Variants in CDH4 observed in about 807,000 individuals in gnomAD.
CDH4 encodes the protein cadherin 4.
CDH4 carries 33 observed loss-of-function variants against 86.0 expected under a neutral mutation model. The ratio of observed to expected loss-of-function variants is 0.38; its 90% CI spans 0.29 to 0.51. The LOEUF (loss-of-function observed/expected upper bound fraction) is 0.51. Among genes scored for constraint, CDH4 ranks in the 20% least tolerant of loss-of-function variants. The probability of loss-of-function intolerance (pLI) is 0.86; values close to 1 mark genes in which losing one functional copy is unlikely to be tolerated. For synonymous variants in CDH4, 555 were observed against 549.4 expected (o/e 1.01, Z -0.14); for missense variants, 1,114 against 1,307.4 (o/e 0.85, Z 2.28).
At position 61,516,709 on chromosome 20, in the gene CDH4, A is replaced by G. The variant is rs539646166; in HGVS notation, c.170-226854A>G. 3.9e-5 allele frequency among the ~76,000 whole-genome samples: 6 copies of G among 152,308 alleles called. No homozygotes were observed. In the East Asian group the frequency reaches 5.8e-4, roughly 15 times the overall value. ...GGCTGCAGCACAGGCTCAGGGTGCA[A>G]TGTCAAACCGCGGCCCTGCCCGAGA... On this transcript the variant is annotated intron_variant, in intron 2 of 15. Coordinates refer to ENST00000614565, the MANE Select transcript of CDH4 (RefSeq NM_001794.5). This position sits in a 1 kb window ranked among gnomAD's most constrained non-coding sequence, Gnocchi z 4.0.
chr20:61,351,892 T>A lies in CDH4; in HGVS notation c.169+96955T>A, dbSNP rs1350287816. Among the ~76,000 whole-genome samples, 3 of 152,092 alleles carry A rather than the reference T, an allele frequency of 2.0e-5. No individual in the cohort carries two copies. In the East Asian group the frequency reaches 5.8e-4, roughly 29 times the overall value. On this transcript the variant is annotated intron_variant, in intron 2 of 15. Coordinates refer to ENST00000614565, the MANE Select transcript of CDH4 (RefSeq NM_001794.5). ...CCACCATACCAGGCTAATTTTTGTA[T>A]TTTTAGTAGAGACGGGGTTTCACCA...
chr20:61,466,156 CTG>C (rs1416064844), intron 2 of CDH4, among the ~76,000 whole-genome samples: 1 of 152,126 alleles, frequency 6.6e-6, no homozygotes, highest in Admixed American at 6.5e-5. Flanking sequence ...CAACAGCCAG[CTG>C]AAAATGGAAA....
chr20:61,934,518 G>A (rs546460415), intron 15 of CDH4, among the ~76,000 whole-genome samples: 1 of 152,364 alleles, frequency 6.6e-6, no homozygotes, highest in East Asian at 1.9e-4. Flanking sequence ...TTGCAGCAGA[G>A]GCGCCAGTAG....
At chr20:61,279,462 CTT>C (rs777110958) in intron 2 of CDH4, among the ~76,000 whole-genome samples, 19 of 152,018 alleles carry the variant, frequency 1.2e-4, no homozygotes, top group Non-Finnish European at 2.4e-4. Flanking sequence ...GTGTTACCCT[CTT>C]TCTCCAGCAA....
chr20:61,711,826 G>C (rs2087896636), intron 2 of CDH4, among the ~76,000 whole-genome samples: 1 of 152,196 alleles, frequency 6.6e-6, no homozygotes, highest in Admixed American at 6.5e-5. Context: ...AGGACGGGTG[G>C]TGGAGGAAGG....
chr20:61,394,676 T>G (rs1258619069), intron 2 of CDH4, among the ~76,000 whole-genome samples: 1 of 151,712 alleles, frequency 6.6e-6, no homozygotes, highest in Admixed American at 6.6e-5. Context: ...ACAGGCAGCC[T>G]TTCCCAGTGG....
intron 8 of CDH4, 149 bp downstream of exon 8, chr20:61,895,196 C>T (rs1985049215): frequency 2.1e-6 from 2 of 967,012 alleles, no homozygotes; most frequent in African/African-American, 1.6e-5. Flanking sequence ...GCGGAGGCTG[C>T]TGTGTGGAGT....
intron 13 of CDH4, among the ~76,000 whole-genome samples, chr20:61,932,687 T>C (rs1041417884): frequency 1.3e-4 from 20 of 152,134 alleles, no homozygotes; most frequent in African/African-American, 4.8e-4. Context: ...ATGAAGCACC[T>C]ACATCCACGA....
chr20:61,829,668 G>A lies in CDH4; in HGVS notation c.577-15000G>A, dbSNP rs1302594996. 6.6e-6 allele frequency among the ~76,000 whole-genome samples: 1 copy of A among 152,168 alleles called. No homozygotes were observed. Among genetic ancestry groups the A allele is most frequent in the Admixed American group, 6.5e-5 (1 of 15,282 alleles). ...CATTAAATACGGACTCACCACTGGG[G>A]ACGGACTTGGACTCCAGGAGCCCCC... is the stretch of plus-strand genomic sequence containing the variant. On this transcript the variant is annotated intron_variant, in intron 4 of 15. Coordinates refer to ENST00000614565, the MANE Select transcript of CDH4 (RefSeq NM_001794.5). This position sits in a 1 kb window ranked among gnomAD's most constrained non-coding sequence, Gnocchi z 4.2.
intron 2 of CDH4, among the ~76,000 whole-genome samples, chr20:61,418,668 C>T (rs1476074522): frequency 6.6e-6 from 1 of 152,106 alleles, no homozygotes; most frequent in Non-Finnish European, 1.5e-5. Context: ...TGTTACAAAG[C>T]GCCGTCAGTT....
intron 7 of CDH4, among the ~76,000 whole-genome samples, chr20:61,874,858 G>C (rs1983950338): frequency 6.6e-6 from 1 of 152,244 alleles, no homozygotes; most frequent in Non-Finnish European, 1.5e-5. Flanking sequence ...CTCACAGCCA[G>C]TGCAGCCCTG....
chr20:61,480,690 G>A lies in CDH4; in HGVS notation c.169+225753G>A, dbSNP rs1270920026. 6.6e-6 allele frequency among the ~76,000 whole-genome samples: 1 copy of A among 152,246 alleles called. No homozygotes were observed. Among genetic ancestry groups the A allele is most frequent in the Non-Finnish European group, 1.5e-5 (1 of 68,046 alleles). On this transcript the variant is annotated intron_variant, in intron 2 of 15. Coordinates refer to ENST00000614565, the MANE Select transcript of CDH4 (RefSeq NM_001794.5). The surrounding 1 kb of genome is among the most constrained non-coding windows in gnomAD (Gnocchi z 5.2). ...CCCAAGAGCACTGTGTGGGCATCCG[G>A]GTTGTGCCCTGGTAAGGCGTTGGAA...
chr20:61,281,734 G>A (rs1259179198), intron 2 of CDH4, among the ~76,000 whole-genome samples: 1 of 152,194 alleles, frequency 6.6e-6, no homozygotes, highest in Non-Finnish European at 1.5e-5. Flanking sequence ...AACCAAAGAG[G>A]GGCATTCCCG....
At chr20:61,837,004 G>A (rs1326656617) in intron 4 of CDH4, among the ~76,000 whole-genome samples, 3 of 152,308 alleles carry the variant, frequency 2.0e-5, no homozygotes, top group African/African-American at 7.2e-5. Context: ...GACCAGACTG[G>A]CCAACATAGT....
chr20:61,516,329 T>C lies in CDH4; in HGVS notation c.170-227234T>C, dbSNP rs1234846239. On this transcript the variant is annotated intron_variant, in intron 2 of 15. Transcript: ENST00000614565. This position sits in a 1 kb window ranked among gnomAD's most constrained non-coding sequence, Gnocchi z 4.0. ...CCTTACATCCCGTCTATTAATGCCA[T>C]GGTCCCTGAGCAGTCATGGGACCAA... Among the ~76,000 whole-genome samples, 2 of 152,198 alleles carry C rather than the reference T, an allele frequency of 1.3e-5. No homozygotes were observed. Among genetic ancestry groups the C allele is most frequent in the African/African-American group, 4.8e-5 (2 of 41,448 alleles).
intron 2 of CDH4, among the ~76,000 whole-genome samples, chr20:61,542,479 A>G (rs1466549143): frequency 1.3e-5 from 2 of 152,220 alleles, no homozygotes; most frequent in African/African-American, 2.4e-5. Context: ...TTAATCTGCA[A>G]TGGGTACAAC....
In CDH4 at chr20:61,704,748, A is replaced by G. The variant is rs535382211; in HGVS notation, c.170-38815A>G. On this transcript the variant is annotated intron_variant, in intron 2 of 15. Coordinates refer to ENST00000614565, the MANE Select transcript of CDH4 (RefSeq NM_001794.5). Reference sequence around the variant, plus strand: ...GGGATGTCTGAGTCTTGGCATGGTCATCATCATGGGCATTAAATGGGGTGG... The same window carrying G: ...GGGATGTCTGAGTCTTGGCATGGTCGTCATCATGGGCATTAAATGGGGTGG... Among the ~76,000 whole-genome samples, 74 of 152,330 alleles carry G rather than the reference A, an allele frequency of 4.9e-4. 1 individual carries two copies. The South Asian group carries it at 0.015, about 31-fold the overall frequency.
intron 4 of CDH4, among the ~76,000 whole-genome samples, chr20:61,815,912 C>T (rs1398963949): frequency 6.6e-6 from 1 of 152,176 alleles, no homozygotes; most frequent in Non-Finnish European, 1.5e-5. Flanking sequence ...GCAATGCCCG[C>T]GTTCATTTGT....
intron 2 of CDH4, among the ~76,000 whole-genome samples, chr20:61,270,573 G>A (rs1464970973): frequency 3.3e-5 from 5 of 152,136 alleles, no homozygotes; most frequent in East Asian, 1.9e-4. Flanking sequence ...CCGCACAGAC[G>A]TGTAAGATAC....
Sources: allele counts gnomAD v4.1 joint callset (sites outside exome capture counted in the v4.1 genomes callset), GRCh38; gene constraint gnomAD v4.1.1; non-coding constraint Gnocchi (gnomAD v3.1); transcripts MANE v1.5; gene names NCBI Gene and HGNC (gene_info 2026-07-23, HGNC 2026-07-21).